The following PLCB4 variants were observed in gnomAD, a reference collection of about 807,000 sequenced individuals.
PLCB4 encodes the protein 1-phosphatidylinositol 4,5-bisphosphate phosphodiesterase beta-4.
In PLCB4, 77 loss-of-function variants were observed where a neutral mutation model predicts 178.8. The observed-to-expected ratio is 0.43, with a 90% CI of 0.36 to 0.52. PLCB4 has a LOEUF of 0.52. Ranked by LOEUF, PLCB4 falls within the 20% of genes least tolerant of loss-of-function variation. The pLI, the probability that PLCB4 is intolerant of heterozygous loss-of-function variation, is 0.00. For synonymous variants in PLCB4, 496 were observed against 490.8 expected (o/e 1.01, Z -0.14); for missense variants, 1,024 against 1,453.4 (o/e 0.70, Z 4.80).
At chr20:9,296,585 A>G (rs2094638091) in intron 3 of PLCB4, among the ~76,000 whole-genome samples, 1 of 152,148 alleles carries the variant, frequency 6.6e-6, no homozygotes, top group Admixed American at 6.5e-5. Context: ...ACTATTCACA[A>G]TAGCAAAGAC....
chr20:9,165,793 T>TGTGTG (rs2092960320), intron 2 of PLCB4, among the ~76,000 whole-genome samples: 6 of 139,750 alleles, frequency 4.3e-5, no homozygotes, highest in African/African-American at 1.6e-4. Context: ...CTGGGGCTGT[T>TGTGTG]TGTGTGTGTG....
intron 24 of PLCB4, among the ~76,000 whole-genome samples, chr20:9,410,047 A>T (rs1487163412): frequency 6.6e-6 from 1 of 152,190 alleles, no homozygotes; most frequent in Admixed American, 6.5e-5. Context: ...AGGATTTTTT[A>T]AAATCTATTT....
chr20:9,134,149 G>A (rs532712551), intron 2 of PLCB4, among the ~76,000 whole-genome samples: 1 of 152,266 alleles, frequency 6.6e-6, no homozygotes, highest in Non-Finnish European at 1.5e-5. Context: ...CATTGTTGGT[G>A]TCCAGCCCCA....
rs752833843 is a variant in PLCB4, at chr20:9,372,346, A to G, written c.629A>G (p.Tyr210Cys). 26 of 1,603,994 alleles carry G rather than the reference A, an allele frequency of 1.6e-5. No homozygotes were observed. The South Asian group carries it at 1.8e-4, about 11-fold the overall frequency. The change falls in exon 11 of 40, where the codon TAT (tyrosine) becomes TGT (cysteine). Residue 210 changes from tyrosine to cysteine, a missense_variant. Transcript: ENST00000378473. Reference protein sequence around the residue: ...EPTAFSYEKFYELTQKICPRT... With the variant: ...EPTAFSYEKFCELTQKICPRT... ...ACAGCATTTTCTTATGAAAAGTTCT[A>G]TGAACTGACACAAAAGATTTGTCCT...
intron 2 of PLCB4, among the ~76,000 whole-genome samples, chr20:9,122,916 C>T (rs559495144): frequency 1.4e-4 from 22 of 152,222 alleles, no homozygotes; most frequent in African/African-American, 5.3e-4. Context: ...GGATGTACTG[C>T]ATCATGGACC....
At chr20:9,372,429 C>CAT in intron 11 of PLCB4, 26 bp downstream of exon 11, 1 of 1,149,906 alleles carries the variant, frequency 8.7e-7, no homozygotes, top group Non-Finnish European at 1.3e-6. Flanking sequence ...GAGGAAGTGC[C>CAT]ATATAAATAT....
At chr20:9,154,889 CTCCTTCCCTCCTTCCCTCCTTCCTTCCT>C (rs1336061634) in intron 2 of PLCB4, among the ~76,000 whole-genome samples, 1 of 98,194 alleles carries the variant, frequency 1.0e-5, no homozygotes, top group Non-Finnish European at 2.1e-5. Flanking sequence ...CTTTCCTTCC[CTCCTTCCCTCCTTCCCTCCTTCCTTCCT>C]TCCTTCCTTC....
intron 1 of PLCB4, among the ~76,000 whole-genome samples, chr20:9,078,623 A>C (rs769937871): frequency 9.2e-5 from 14 of 151,890 alleles, no homozygotes; most frequent in Non-Finnish European, 1.8e-4. Context: ...CAGCCTCCCA[A>C]AGTGCTGGGA....
chr20:9,413,372 G>C (rs879716953), intron 25 of PLCB4, among the ~76,000 whole-genome samples: 17 of 149,754 alleles, frequency 1.1e-4, no homozygotes, highest in Non-Finnish European at 2.1e-4. Context: ...CAGCACTTTG[G>C]GAGGCCGAGG....
chr20:9,431,725 A>T (rs1185567546), intron 28 of PLCB4, among the ~76,000 whole-genome samples: 1 of 151,010 alleles, frequency 6.6e-6, no homozygotes, highest in African/African-American at 2.4e-5. Flanking sequence ...GACCAGGCTG[A>T]TCTTAAATTC....
intron 2 of PLCB4, among the ~76,000 whole-genome samples, chr20:9,209,013 T>G (rs1335796757): frequency 2.6e-5 from 4 of 152,248 alleles, no homozygotes; most frequent in Non-Finnish European, 5.9e-5. Flanking sequence ...TACCCTGTCC[T>G]AACAAAGCAA....
At chr20:9,370,389 A>G (rs2036146123) in intron 9 of PLCB4, among the ~76,000 whole-genome samples, 1 of 152,114 alleles carries the variant, frequency 6.6e-6, no homozygotes, top group Admixed American at 6.6e-5. Context: ...AAACAAGAAC[A>G]AAATATGTCT....
chr20:9,141,985 G>A (rs1425993720), intron 2 of PLCB4, among the ~76,000 whole-genome samples: 1 of 152,116 alleles, frequency 6.6e-6, no homozygotes, highest in Non-Finnish European at 1.5e-5. Flanking sequence ...GGTAGGGGTG[G>A]GAGGTTAGGG....
intron 7 of PLCB4, among the ~76,000 whole-genome samples, chr20:9,357,824 T>A (rs1396060363): frequency 1.3e-5 from 2 of 152,220 alleles, no homozygotes; most frequent in Admixed American, 1.3e-4. Context: ...TACCCATATA[T>A]TGTATTTTGT....
At position 9,443,967 on chromosome 20, in the gene PLCB4, TTTTG is replaced by T; in HGVS notation, c.2765-6_2765-3del. 6.7e-7 allele frequency: 1 copy of T among 1,492,628 alleles called. No homozygotes were observed. Among genetic ancestry groups the T allele is most frequent in the South Asian group, 1.2e-5 (1 of 84,926 alleles). 92.5% of individuals were successfully genotyped at this position (1,492,628 alleles called of 1,614,324 possible). ...TTAGTATACATAGTGACTTAATTTT[TTTTG>T]TTTGTTTAGGTATTGAACTTATCCC... On this transcript the variant is annotated splice_polypyrimidine_tract_variant and intron_variant, in intron 30 of 39. Transcript: ENST00000378473.
At chr20:9,380,930 A>G (rs67553203) in intron 13 of PLCB4, among the ~76,000 whole-genome samples, 18,922 of 152,024 alleles carry the variant, frequency 0.12, 2,782 homozygotes, top group African/African-American at 0.35. Flanking sequence ...CTCCTTTTTA[A>G]AATCTATTTT....
intron 7 of PLCB4, among the ~76,000 whole-genome samples, chr20:9,345,468 T>C (rs2033702339): frequency 6.6e-6 from 1 of 152,178 alleles, no homozygotes; most frequent in South Asian, 2.1e-4. Context: ...TCAGATGTCT[T>C]TCATTAATAA....
intron 13 of PLCB4, among the ~76,000 whole-genome samples, chr20:9,382,595 A>C (rs2037238045): frequency 6.6e-6 from 1 of 152,078 alleles, no homozygotes; most frequent in African/African-American, 2.4e-5. Context: ...TTTGCACTTG[A>C]TGATCCTTCT....
chr20:9,384,946 G>C (rs1207913523), intron 14 of PLCB4, among the ~76,000 whole-genome samples: 3 of 152,124 alleles, frequency 2.0e-5, no homozygotes, highest in Non-Finnish European at 4.4e-5. Flanking sequence ...CTAGGCAGAG[G>C]TCCCTGCCGC....
Sources: allele counts gnomAD v4.1 joint callset (sites outside exome capture counted in the v4.1 genomes callset), GRCh38; gene constraint gnomAD v4.1.1; transcripts MANE v1.5; gene names NCBI Gene and HGNC (gene_info 2026-07-23, HGNC 2026-07-21).